Variants in ADCY3 observed in about 807,000 individuals in gnomAD.
ADCY3 encodes adenylate cyclase type 3.
Under a neutral mutation model 119.4 loss-of-function variants are expected in ADCY3, and 70 were observed. The ratio of observed to expected loss-of-function variants is 0.59; its 90% confidence interval spans 0.48 to 0.72. ADCY3 has a LOEUF of 0.72. ADCY3 is among the 30% of genes least tolerant of loss of function. The probability of loss-of-function intolerance (pLI) is 0.00; values close to 1 mark genes in which losing one functional copy is unlikely to be tolerated. For missense variants in ADCY3, 1,238 were observed against 1,541.6 expected (o/e 0.80, Z 3.30); for synonymous variants, 672 against 621.4 (o/e 1.08, Z -1.21).
chr2:24,869,753 A>G (rs529591755), intron 3 of ADCY3, among the ~76,000 whole-genome samples: 51 of 152,294 alleles, frequency 3.3e-4, no homozygotes, highest in Non-Finnish European at 5.6e-4. Context: ...AATTTAAGGA[A>G]TAACCCAAAT....
intron 3 of ADCY3, among the ~76,000 whole-genome samples, chr2:24,858,735 C>T (rs1673297367): frequency 6.6e-6 from 1 of 152,196 alleles, no homozygotes; most frequent in South Asian, 2.1e-4. Context: ...GAGGATGTGG[C>T]AAAGGCTTAA....
At chr2:24,879,452 CAAAAAA>C (rs34029858) in intron 2 of ADCY3, among the ~76,000 whole-genome samples, 2 of 66,084 alleles carry the variant, frequency 3.0e-5, no homozygotes, top group East Asian at 8.9e-4. Context: ...GACTCTGTCT[CAAAAAA>C]AAAAAAAAAA....
intron 7 of ADCY3, among the ~76,000 whole-genome samples, chr2:24,839,424 A>G (rs1297311017): frequency 6.6e-6 from 1 of 152,226 alleles, no homozygotes; most frequent in African/African-American, 2.4e-5. Context: ...CAGGGCCTCC[A>G]TTATCCTGTA....
intron 3 of ADCY3, among the ~76,000 whole-genome samples, chr2:24,860,508 T>TCAGGG (rs1314803776): frequency 1.3e-5 from 2 of 151,848 alleles, no homozygotes; most frequent in Non-Finnish European, 2.9e-5. Context: ...CCACAAGGCC[T>TCAGGG]CAGGGCAGGG....
intron 2 of ADCY3, among the ~76,000 whole-genome samples, chr2:24,880,472 G>A (rs1676255805): frequency 6.6e-6 from 1 of 152,210 alleles, no homozygotes; most frequent in Non-Finnish European, 1.5e-5. Context: ...GGGATCCAAG[G>A]CTCCAACCAA....
Position 24,831,856 on chromosome 2 carries a change from G to A in ADCY3, c.1968-107C>T, listed in dbSNP as rs1241311386. On this transcript the variant is annotated intron_variant, in intron 11 of 21. Transcript: ENST00000679454. ...ATGGGGGCAGGGGCCAGGGGACAGC[G>A]GACAGGGGGCAGGGGACAGTGGACA... is the stretch of plus-strand genomic sequence containing the variant. 2.5e-5 allele frequency: 18 copies of A among 717,546 alleles called. No individual in the cohort carries two copies. In the South Asian group the frequency reaches 2.7e-4, roughly 11 times the overall value. 44.4% of individuals were successfully genotyped at this position (717,546 alleles called of 1,614,324 possible). A position where few individuals can be genotyped will look rare whatever the true frequency, so the allele number is the denominator to read the frequency against.
intron 7 of ADCY3, 119 bp downstream of exon 7, chr2:24,839,754 G>T (rs1035234170): frequency 2.1e-6 from 3 of 1,426,634 alleles, no homozygotes; most frequent in East Asian, 2.3e-5. Context: ...TGCTGTTCCG[G>T]GGTTGTAGGG....
At chr2:24,822,781 C>T in intron 18 of ADCY3, 151 bp from the exon 19 acceptor site, 1 of 1,122,126 alleles carries the variant, frequency 8.9e-7, no homozygotes, top group Non-Finnish European at 1.2e-6. Context: ...TTATCTGCCA[C>T]ATGATCCTGG....
chr2:24,883,406 G>T (rs1676649466), intron 2 of ADCY3, among the ~76,000 whole-genome samples: 1 of 152,134 alleles, frequency 6.6e-6, no homozygotes, highest in South Asian at 2.1e-4. Context: ...CGATTCTGAG[G>T]GAGAGGGGAG....
chr2:24,825,509 AT>A (rs964686400), intron 16 of ADCY3: 1 of 154,034 alleles, frequency 6.5e-6, no homozygotes, highest in Non-Finnish European at 1.4e-5. Context: ...TAATTTTTGT[AT>A]TTTTTAGTAG....
At chr2:24,866,579 A>G (rs559441415) in intron 3 of ADCY3, among the ~76,000 whole-genome samples, 215 of 150,218 alleles carry the variant, frequency 1.4e-3, no homozygotes, top group African/African-American at 5.0e-3. Context: ...AAAAAAAAAA[A>G]AAAAAAGAAA....
chr2:24,907,688 A>G (rs1663037316), intron 2 of ADCY3, among the ~76,000 whole-genome samples: 2 of 152,162 alleles, frequency 1.3e-5, no homozygotes, highest in Non-Finnish European at 2.9e-5. Flanking sequence ...CACATAAATA[A>G]AATCAATAAA....
Position 24,823,202 on chromosome 2 carries a change from C to T in ADCY3, c.2883+7G>A. On this transcript the variant is annotated splice_region_variant and intron_variant, in intron 18 of 21. Transcript: ENST00000679454. ...TGGCCAGAGTGCAGGGTGGGATGGG[C>T]ACTCACAGAGTCAAAATCTGAGATG... 6.2e-7 allele frequency: 1 copy of T among 1,611,268 alleles called. No homozygotes were observed. Among genetic ancestry groups the T allele is most frequent in the Non-Finnish European group, 8.5e-7 (1 of 1,179,108 alleles).
intron 3 of ADCY3, among the ~76,000 whole-genome samples, chr2:24,866,144 G>A (rs542715653): frequency 4.9e-4 from 75 of 152,170 alleles, no homozygotes; most frequent in Non-Finnish European, 8.5e-4. Context: ...CATTGCTGAG[G>A]AGTTCAAGAT....
At chr2:24,826,259 C>G in intron 15 of ADCY3, 133 bp from the exon 16 acceptor site, 1 of 740,962 alleles carries the variant, frequency 1.3e-6, no homozygotes, top group Non-Finnish European at 2.2e-6. Context: ...TAGGCCCTTT[C>G]ACATCAAGTC....
intron 2 of ADCY3, among the ~76,000 whole-genome samples, chr2:24,908,665 C>T (rs1214879074): frequency 6.6e-6 from 1 of 152,198 alleles, no homozygotes; most frequent in East Asian, 1.9e-4. Context: ...CTCCCGTGCC[C>T]TTGTTTGCCA....
chr2:24,912,599 G>A (rs1197521744), intron 2 of ADCY3, among the ~76,000 whole-genome samples: 6 of 41,072 alleles, frequency 1.5e-4, no homozygotes, highest in Admixed American at 9.5e-4. Flanking sequence ...GTGTGTGTGT[G>A]TGTGCATGTG....
intron 3 of ADCY3, among the ~76,000 whole-genome samples, chr2:24,856,174 G>A (rs73923444): frequency 0.043 from 6,592 of 152,240 alleles, 463 homozygotes; most frequent in African/African-American, 0.15. Flanking sequence ...GAGTGTGAAT[G>A]TGGAGAGTGT....
At chr2:24,833,978 G>C (rs1669955312) in intron 11 of ADCY3, among the ~76,000 whole-genome samples, 1 of 152,224 alleles carries the variant, frequency 6.6e-6, no homozygotes. Context: ...GAGAGTGGTC[G>C]TCACCCTCAG....
Sources: allele counts gnomAD v4.1 joint callset (sites outside exome capture counted in the v4.1 genomes callset), GRCh38; gene constraint gnomAD v4.1.1; transcripts MANE v1.5; gene names NCBI Gene and HGNC (gene_info 2026-07-23, HGNC 2026-07-21).